The following LRRC4C variants were observed in gnomAD, a reference collection of about 807,000 sequenced individuals.
LRRC4C encodes leucine-rich repeat-containing protein 4C.
LRRC4C carries 5 observed loss-of-function variants against 33.6 expected under a neutral mutation model. The ratio of observed to expected loss-of-function variants is 0.15; its 90% CI spans 0.08 to 0.31. LRRC4C has a LOEUF of 0.31. Ranked by LOEUF, LRRC4C falls within the 10% of genes least tolerant of loss-of-function variation. The probability of loss-of-function intolerance (pLI) is 1.00; values close to 1 mark genes in which losing one functional copy is unlikely to be tolerated. For missense variants in LRRC4C, 560 were observed against 796.7 expected, an observed-to-expected ratio of 0.70 and a Z score of 3.58; for synonymous variants, 329 against 302.0, an observed-to-expected ratio of 1.09 and a Z score of -0.93.
At chr11:40,395,633 A>C (rs1355606639) in intron 3 of LRRC4C, among the ~76,000 whole-genome samples, 2 of 152,156 alleles carry the variant, frequency 1.3e-5, no homozygotes, top group East Asian at 3.9e-4. Context: ...AAAAATGGGA[A>C]TCCAACTTTT....
intron 3 of LRRC4C, among the ~76,000 whole-genome samples, chr11:40,409,874 G>A (rs996979661): frequency 1.3e-5 from 2 of 152,064 alleles, no homozygotes; most frequent in African/African-American, 4.8e-5. Flanking sequence ...ACAAAAAATA[G>A]TGTGTGAAGT....
At chr11:40,143,028 C>T (rs534946332) in intron 5 of LRRC4C, among the ~76,000 whole-genome samples, 11 of 152,204 alleles carry the variant, frequency 7.2e-5, no homozygotes, top group Non-Finnish European at 1.6e-4. Context: ...TTCTAGTGCT[C>T]AGGCCAAAAT....
At chr11:41,112,706 G>A (rs1941904776) in intron 1 of LRRC4C, among the ~76,000 whole-genome samples, 1 of 152,042 alleles carries the variant, frequency 6.6e-6, no homozygotes, top group Non-Finnish European at 1.5e-5. Context: ...TGTTGGAAAA[G>A]CATTTTATTC....
At position 41,279,420 on chromosome 11, in the gene LRRC4C, ACACACACACCG is replaced by A. The variant is rs1484542792; in HGVS notation, c.-496+180000_-496+180010del. ...CACACACACACACACACACACACAC[ACACACACACCG>A]TGGCAATCACTGCCTGCAATGGGTA... On this transcript the variant is annotated intron_variant, in intron 1 of 6. Transcript: ENST00000528697. Among the ~76,000 whole-genome samples, 172 of 135,654 alleles carry A rather than the reference ACACACACACCG, an allele frequency of 1.3e-3. 2 individuals are homozygous for A. Among genetic ancestry groups the A allele is most frequent in the African/African-American group, 4.7e-3 (166 of 35,432 alleles). 89.0% of individuals were successfully genotyped at this position (135,654 alleles called of 152,430 possible). A position where few individuals can be genotyped will look rare whatever the true frequency, so the allele number is the denominator to read the frequency against.
intron 5 of LRRC4C, among the ~76,000 whole-genome samples, chr11:40,237,052 T>G (rs1865613737): frequency 6.6e-6 from 1 of 152,202 alleles, no homozygotes; most frequent in Non-Finnish European, 1.5e-5. Context: ...TTTCTGCATA[T>G]TAAGCATGAG....
At chr11:40,583,294 G>C (rs1407404454) in intron 3 of LRRC4C, among the ~76,000 whole-genome samples, 2 of 152,018 alleles carry the variant, frequency 1.3e-5, no homozygotes, top group Admixed American at 1.3e-4. Context: ...TTCCCCCTCT[G>C]CTCTAATCTA....
At chr11:41,413,530 C>G (rs1424304839) in intron 1 of LRRC4C, among the ~76,000 whole-genome samples, 1 of 152,058 alleles carries the variant, frequency 6.6e-6, no homozygotes, top group African/African-American at 2.4e-5. Flanking sequence ...CTGACATTAA[C>G]CTCAGAAGAA....
intron 1 of LRRC4C, among the ~76,000 whole-genome samples, chr11:40,989,773 A>T (rs1853369623): frequency 6.6e-6 from 1 of 152,096 alleles, no homozygotes; most frequent in Admixed American, 6.5e-5. Context: ...TAATCAGAGA[A>T]TCTTAGCATT....
chr11:40,992,281 A>T (rs1212528057), intron 1 of LRRC4C, among the ~76,000 whole-genome samples: 1 of 152,132 alleles, frequency 6.6e-6, no homozygotes, highest in Non-Finnish European at 1.5e-5. Flanking sequence ...TTCCCACTAA[A>T]TTTTATTGAA....
chr11:40,371,598 A>G (rs1287583562), intron 3 of LRRC4C, among the ~76,000 whole-genome samples: 2 of 152,208 alleles, frequency 1.3e-5, no homozygotes, highest in East Asian at 3.8e-4. Context: ...CCTTTCGGAT[A>G]CAATCGTGGG....
At position 40,372,601 on chromosome 11, in the gene LRRC4C, T is replaced by C. The variant is rs549323360; in HGVS notation, c.-269-52880A>G. Among the ~76,000 whole-genome samples, 6 of 152,278 alleles carry C rather than the reference T, an allele frequency of 3.9e-5. 1 individual carries two copies. Among genetic ancestry groups the C allele is most frequent in the African/African-American group, 1.4e-4 (6 of 41,548 alleles). On this transcript the variant is annotated intron_variant, in intron 3 of 6. Transcript: ENST00000528697. ...GCTTCCAGAAATTAGGGCAGAGGCA[T>C]ATTTGGTGGGGAGGGGGAGACTCAT... is the stretch of plus-strand genomic sequence containing the variant.
rs1426754175 is a variant in LRRC4C, at chr11:40,362,556, C to A, written c.-269-42835G>T. ...CCAACATGACAAAACCCTGTCTCTA[C>A]TGAAAATACAAAAATTAGTGAGGTG... On this transcript the variant is annotated intron_variant, in intron 3 of 6. Transcript: ENST00000528697. Among the ~76,000 whole-genome samples the A allele has an allele frequency of 2.0e-5, 3 of 152,106 alleles. No homozygotes were observed. In the East Asian group the frequency reaches 5.8e-4, roughly 29 times the overall value.
At chr11:40,707,513 T>C (rs747067004) in intron 2 of LRRC4C, among the ~76,000 whole-genome samples, 3 of 152,230 alleles carry the variant, frequency 2.0e-5, no homozygotes, top group Non-Finnish European at 4.4e-5. Context: ...GGATTACATT[T>C]ATTGATTTGC....
intron 1 of LRRC4C, among the ~76,000 whole-genome samples, chr11:41,364,918 T>A (rs1952481285): frequency 1.3e-5 from 2 of 152,180 alleles, no homozygotes; most frequent in African/African-American, 4.8e-5. Context: ...ACTTACTTGG[T>A]CCTTCAGAAA....
intron 3 of LRRC4C, among the ~76,000 whole-genome samples, chr11:40,343,713 A>C (rs1392197202): frequency 6.7e-6 from 1 of 149,308 alleles, no homozygotes; most frequent in African/African-American, 2.5e-5. Context: ...GTTTTTTTGA[A>C]AAAAAAAAAA....
intron 1 of LRRC4C, among the ~76,000 whole-genome samples, chr11:41,326,507 C>T (rs1357057127): frequency 6.6e-6 from 1 of 152,062 alleles, no homozygotes; most frequent in African/African-American, 2.4e-5. Flanking sequence ...AGTCTTGTCC[C>T]TCTTGAGAAC....
intron 1 of LRRC4C, among the ~76,000 whole-genome samples, chr11:41,114,689 C>CA (rs1942025680): frequency 6.6e-6 from 1 of 151,900 alleles, no homozygotes; most frequent in South Asian, 2.1e-4. Context: ...AATGTTTTTG[C>CA]ATAGTTTATG....
In LRRC4C at chr11:40,451,874, C is replaced by T. The variant is rs576369032; in HGVS notation, c.-269-132153G>A. ...CTCCCAGTGTGAGCGATGCAGAAGA[C>T]GAATGATTTCTGCATTTGCAACTGA... On this transcript the variant is annotated intron_variant, in intron 3 of 6. Transcript: ENST00000528697. Among the ~76,000 whole-genome samples the T allele has an allele frequency of 3.5e-4, 53 of 152,226 alleles. No individual in the cohort carries two copies. The South Asian group carries it at 7.7e-3, about 22-fold the overall frequency.
chr11:40,718,108 A>G (rs998644316), intron 2 of LRRC4C, among the ~76,000 whole-genome samples: 56 of 152,288 alleles, frequency 3.7e-4, no homozygotes, highest in African/African-American at 1.3e-3. Context: ...CATCAAACGC[A>G]TGGTGGATGC....
Sources: gnomAD v4.1 joint callset for allele counts (sites outside exome capture counted in the v4.1 genomes callset) on GRCh38, gnomAD v4.1.1 for gene constraint, MANE v1.5 for transcripts, NCBI Gene and HGNC (gene_info 2026-07-23, HGNC 2026-07-21) for gene names.